Variants in NBAS observed in about 807,000 individuals in gnomAD.
The protein encoded by NBAS is NAG/BC035112 fusion.
Under a neutral mutation model 302.5 loss-of-function variants are expected in NBAS, and 219 were observed. That is an observed-to-expected ratio of 0.72 (90% CI 0.65 to 0.81). The LOEUF is 0.81. Ranked by LOEUF, NBAS falls within the 30% of genes least tolerant of loss-of-function variation. NBAS has a pLI of 0.00. For synonymous variants in NBAS, 1,118 were observed against 1,021.6 expected (o/e 1.09, Z -1.80); for missense variants, 2,932 against 2,841.6 (o/e 1.03, Z -0.72).
At chr2:15,509,907 T>C (rs1209445673) in intron 10 of NBAS, among the ~76,000 whole-genome samples, 1 of 152,128 alleles carries the variant, frequency 6.6e-6, no homozygotes, top group African/African-American at 2.4e-5. Flanking sequence ...TGGAGTGCAG[T>C]GGCACAATCT....
At chr2:15,082,069 C>T in the NBAS span, among the ~76,000 whole-genome samples, 1 of 152,140 alleles carries the variant, frequency 6.6e-6, no homozygotes, top group South Asian at 2.1e-4. Flanking sequence ...AGACTCTGCT[C>T]CCCAACAAAA....
At chr2:15,532,927 G>A (rs1432342715) in intron 9 of NBAS, among the ~76,000 whole-genome samples, 1 of 151,952 alleles carries the variant, frequency 6.6e-6, no homozygotes, top group Non-Finnish European at 1.5e-5. Flanking sequence ...ATATAAAAAT[G>A]TCAACAACAA....
At chr2:15,350,718 A>T (rs1673313298) in intron 35 of NBAS, among the ~76,000 whole-genome samples, 1 of 152,218 alleles carries the variant, frequency 6.6e-6, no homozygotes, top group African/African-American at 2.4e-5. Flanking sequence ...GAATCGAACA[A>T]GTACCTCAAA....
chr2:15,546,231 G>A (rs1162065537), intron 6 of NBAS, among the ~76,000 whole-genome samples: 2 of 151,868 alleles, frequency 1.3e-5, no homozygotes, highest in Admixed American at 1.3e-4. Context: ...ATAAAATGTT[G>A]ATAGTATTTA....
chr2:15,218,412 C>T (rs548290103), intron 48 of NBAS, among the ~76,000 whole-genome samples: 65 of 152,234 alleles, frequency 4.3e-4, no homozygotes, highest in African/African-American at 1.3e-3. Context: ...CAAGAACTGA[C>T]CTCCAACTAT....
At chr2:14,997,954 T>C in the NBAS span, among the ~76,000 whole-genome samples, 1 of 152,208 alleles carries the variant, frequency 6.6e-6, no homozygotes, top group African/African-American at 2.4e-5. Context: ...TAATTTATTT[T>C]GGACTTTCTC....
At chr2:15,370,715 G>A (rs948391831) in intron 31 of NBAS, among the ~76,000 whole-genome samples, 3 of 152,200 alleles carry the variant, frequency 2.0e-5, no homozygotes, top group Admixed American at 6.5e-5. Context: ...AGACTTGCAG[G>A]GGCCTGTGGC....
At chr2:15,323,315 T>C (rs977875030) in intron 38 of NBAS, among the ~76,000 whole-genome samples, 6 of 151,988 alleles carry the variant, frequency 3.9e-5, no homozygotes, top group African/African-American at 1.5e-4. Flanking sequence ...CTCACAGCTT[T>C]GAGGAAAAAA....
rs372071160 is a variant in NBAS, at chr2:15,532,127, T to C, written c.746+2416A>G. On this transcript the variant is annotated intron_variant, in intron 9 of 51. Coordinates refer to ENST00000281513, the MANE Select transcript of NBAS (RefSeq NM_015909.4). ...TGAAATCATGAAATATGGAAAATCA[T>C]TGAAATCATGAAATACTATACAAGC... Among the ~76,000 whole-genome samples the C allele has an allele frequency of 5.9e-5, 9 of 152,244 alleles. No individual in the cohort carries two copies. In the East Asian group the frequency reaches 7.7e-4, roughly 13 times the overall value.
chr2:15,066,286 A>G, the NBAS span, among the ~76,000 whole-genome samples: 1 of 152,192 alleles, frequency 6.6e-6, no homozygotes, highest in Non-Finnish European at 1.5e-5. Flanking sequence ...ACTAGGAAAA[A>G]CCTTCATGAC....
intron 48 of NBAS, among the ~76,000 whole-genome samples, chr2:15,214,354 G>A (rs1246526413): frequency 6.6e-6 from 1 of 152,210 alleles, no homozygotes; most frequent in Non-Finnish European, 1.5e-5. Flanking sequence ...GTGATTTGTG[G>A]AGAATTAAGA....
chr2:15,406,118 A>AC (rs1396141149), intron 25 of NBAS, among the ~76,000 whole-genome samples: 9 of 148,448 alleles, frequency 6.1e-5, no homozygotes, highest in Admixed American at 1.3e-4. Flanking sequence ...AAAAAAAACA[A>AC]AACAAAAAAA....
the NBAS span, among the ~76,000 whole-genome samples, chr2:14,810,595 C>G: frequency 6.6e-6 from 1 of 152,182 alleles, no homozygotes; most frequent in African/African-American, 2.4e-5. Context: ...AGCACAAAAA[C>G]TAATACAGCT....
chr2:15,339,935 A>G lies in NBAS; in HGVS notation c.4180-9170T>C, dbSNP rs1028167100. Among the ~76,000 whole-genome samples, 13 of 152,226 alleles carry G rather than the reference A, an allele frequency of 8.5e-5. No homozygotes were observed. In the East Asian group the frequency reaches 2.5e-3, roughly 29 times the overall value. ...AGAATGGCAAAAAGGAAAAAAAAAAAAGCCAATATGACTAGAGTCAGCTAA... is the reference window on the plus strand; with the variant it reads ...AGAATGGCAAAAAGGAAAAAAAAAAGAGCCAATATGACTAGAGTCAGCTAA... On this transcript the variant is annotated intron_variant, in intron 35 of 51. Transcript: ENST00000281513.
chr2:15,071,316 A>G, the NBAS span, among the ~76,000 whole-genome samples: 1 of 152,286 alleles, frequency 6.6e-6, no homozygotes, highest in East Asian at 1.9e-4. Flanking sequence ...TATGGCCTGC[A>G]GTGCCCAAGA....
chr2:14,918,941 T>C, the NBAS span, among the ~76,000 whole-genome samples: 1 of 151,988 alleles, frequency 6.6e-6, no homozygotes. Context: ...GGCACAGAGA[T>C]ATCAGGAAAA....
At chr2:15,476,348 G>A (rs1292696135) in intron 13 of NBAS, among the ~76,000 whole-genome samples, 1 of 152,052 alleles carries the variant, frequency 6.6e-6, no homozygotes, top group African/African-American at 2.4e-5. Context: ...ATAGTTTCCA[G>A]TGCTGATTTC....
the NBAS span, among the ~76,000 whole-genome samples, chr2:15,013,043 G>C: frequency 6.6e-6 from 1 of 152,196 alleles, no homozygotes; most frequent in Non-Finnish European, 1.5e-5. Context: ...TCTTTTTGCA[G>C]AGATGGGGTT....
At chr2:14,844,581 G>C in the NBAS span, among the ~76,000 whole-genome samples, 2 of 152,142 alleles carry the variant, frequency 1.3e-5, no homozygotes, top group Non-Finnish European at 2.9e-5. Context: ...CAGAGAGGTA[G>C]CACACCAAGT....
Sources: allele counts gnomAD v4.1 joint callset (sites outside exome capture counted in the v4.1 genomes callset), GRCh38; gene constraint gnomAD v4.1.1; transcripts MANE v1.5; gene names NCBI Gene and HGNC (gene_info 2026-07-23, HGNC 2026-07-21).